The following CHN2 variants were observed in gnomAD, a reference collection of about 807,000 sequenced individuals.
The protein encoded by CHN2 is beta-chimaerin.
Under a neutral mutation model 56.3 loss-of-function variants are expected in CHN2, and 35 were observed. The observed-to-expected ratio is 0.62, with a 90% confidence interval of 0.47 to 0.82. The LOEUF (loss-of-function observed/expected upper bound fraction) is 0.82, where lower values mean the gene tolerates loss of function less well. Among genes scored for constraint, CHN2 ranks in the 40% least tolerant of loss-of-function variants. The pLI, the probability that CHN2 is intolerant of heterozygous loss-of-function variation, is 0.00. For synonymous variants in CHN2, 210 were observed against 212.8 expected (o/e 0.99, Z 0.12); for missense variants, 491 against 580.5 (o/e 0.85, Z 1.58).
rs1003208193 is a variant in CHN2, at chr7:29,335,170, G to A, written c.50-19455G>A. 3.9e-5 allele frequency among the ~76,000 whole-genome samples: 6 copies of A among 152,184 alleles called. No individual in the cohort carries two copies. The East Asian group carries it at 9.6e-4, about 24-fold the overall frequency. On this transcript the variant is annotated intron_variant, in intron 1 of 12. Transcript: ENST00000222792. Reference sequence around the variant, plus strand: ...ATCTATTTAGGGTAGTGGTGCTTACGGGAGTGGAACAATATGGAGTCACTC... The same window carrying A: ...ATCTATTTAGGGTAGTGGTGCTTACAGGAGTGGAACAATATGGAGTCACTC...
chr7:29,211,246 A>AT (rs573128905), intron 1 of CHN2, among the ~76,000 whole-genome samples: 20,731 of 139,868 alleles, frequency 0.15, 1,680 homozygotes, highest in Non-Finnish European at 0.2. Flanking sequence ...AATTTTTTGT[A>AT]TTTTTTTTTT....
chr7:29,412,358 A>G (rs1188938271), intron 6 of CHN2, among the ~76,000 whole-genome samples: 2 of 97,774 alleles, frequency 2.0e-5, no homozygotes, highest in African/African-American at 4.3e-5. Flanking sequence ...TGGGAGACGG[A>G]GTCTCCCTCT....
chr7:29,195,787 T>A (rs1034503448), intron 1 of CHN2, among the ~76,000 whole-genome samples: 10 of 152,124 alleles, frequency 6.6e-5, no homozygotes, highest in African/African-American at 2.4e-4. Flanking sequence ...CTATGGTTGA[T>A]CATCGGGTCT....
intron 1 of CHN2, among the ~76,000 whole-genome samples, chr7:29,286,304 T>C (rs1469016684): frequency 1.3e-5 from 2 of 151,818 alleles, no homozygotes; most frequent in Non-Finnish European, 2.9e-5. Context: ...TAAATGACTG[T>C]GGCAGGCCTC....
intron 1 of CHN2, among the ~76,000 whole-genome samples, chr7:29,342,441 G>A (rs899060109): frequency 1.4e-4 from 22 of 152,226 alleles, no homozygotes; most frequent in African/African-American, 5.1e-4. Flanking sequence ...ATATTTCTTG[G>A]CTTGCCAGTA....
intron 1 of CHN2, among the ~76,000 whole-genome samples, chr7:29,209,344 A>G (rs1784755930): frequency 6.6e-6 from 1 of 152,162 alleles, no homozygotes; most frequent in African/African-American, 2.4e-5. Context: ...ATAGTCAAAA[A>G]GCTTATTATA....
intron 2 of CHN2, among the ~76,000 whole-genome samples, chr7:29,358,587 C>G (rs981048133): frequency 1.3e-5 from 2 of 152,034 alleles, no homozygotes; most frequent in East Asian, 1.9e-4. Context: ...CTCAGCCTCC[C>G]GAGTAGCTGG....
chr7:29,155,843 A>G (rs962388215), intron 2 of CHN2, among the ~76,000 whole-genome samples: 25 of 152,036 alleles, frequency 1.6e-4, no homozygotes, highest in African/African-American at 6.0e-4. Context: ...AAAGGCGAGG[A>G]CATTTCTAAA....
At chr7:29,302,279 CTCT>C (rs1283385028) in intron 1 of CHN2, among the ~76,000 whole-genome samples, 1 of 150,108 alleles carries the variant, frequency 6.7e-6, no homozygotes, top group Admixed American at 6.6e-5. Context: ...CTTCTTCCTC[CTCT>C]TCTTCTTCCT....
chr7:29,350,965 G>A (rs962374787), intron 1 of CHN2, among the ~76,000 whole-genome samples: 6 of 151,996 alleles, frequency 3.9e-5, no homozygotes, highest in East Asian at 1.9e-4. Context: ...AAAGTTAGCC[G>A]GTTGCAGTGA....
At chr7:29,415,238 G>A (rs1314926433) in intron 6 of CHN2, among the ~76,000 whole-genome samples, 2 of 152,176 alleles carry the variant, frequency 1.3e-5, no homozygotes, top group African/African-American at 2.4e-5. Flanking sequence ...ACTTGCTAAG[G>A]CACAGAACAT....
intron 3 of CHN2, among the ~76,000 whole-genome samples, chr7:29,377,969 T>A (rs1452453766): frequency 1.3e-5 from 2 of 152,242 alleles, no homozygotes; most frequent in Non-Finnish European, 2.9e-5. Flanking sequence ...TGCGTCCTTC[T>A]AGGTAATTAC....
intron 4 of CHN2, among the ~76,000 whole-genome samples, chr7:29,394,004 G>A (rs1801549389): frequency 6.6e-6 from 1 of 152,144 alleles, no homozygotes; most frequent in African/African-American, 2.4e-5. Flanking sequence ...CATAATGGAG[G>A]CTCTCTGTTA....
At chr7:29,317,937 T>G (rs1795073547) in intron 1 of CHN2, among the ~76,000 whole-genome samples, 1 of 152,110 alleles carries the variant, frequency 6.6e-6, no homozygotes. Flanking sequence ...TAAGCCAAGA[T>G]AGTGCCACTG....
chr7:29,403,166 C>T (rs868265267), intron 6 of CHN2, among the ~76,000 whole-genome samples: 30 of 151,994 alleles, frequency 2.0e-4, no homozygotes, highest in Middle Eastern at 3.2e-3. Context: ...CGAATCCATC[C>T]GTTTCTCTCT....
At chr7:29,509,530 A>T in intron 12 of CHN2, 124 bp downstream of exon 12, 4 of 685,128 alleles carry the variant, frequency 5.8e-6, no homozygotes, top group Non-Finnish European at 7.6e-6. Context: ...GAACCACTCC[A>T]GGCACTTTCA....
chr7:29,241,793 C>A (rs1287019266), intron 1 of CHN2, among the ~76,000 whole-genome samples: 1 of 152,012 alleles, frequency 6.6e-6, no homozygotes, highest in East Asian at 1.9e-4. Flanking sequence ...GGGCTAGTGG[C>A]AAACTAGAGG....
intron 6 of CHN2, among the ~76,000 whole-genome samples, chr7:29,416,905 T>TG (rs984744748): frequency 3.3e-5 from 5 of 152,120 alleles, no homozygotes; most frequent in African/African-American, 1.2e-4. Context: ...CCTCCCATTG[T>TG]GGAGCTCCTT....
rs541792526 is a variant in CHN2 at position 29,442,934 on chromosome 7, C to CTTTTT, written c.577-37332_577-37328dup. 2.3e-4 allele frequency among the ~76,000 whole-genome samples: 24 copies of CTTTTT among 103,064 alleles called. 3 individuals are homozygous for CTTTTT. Among genetic ancestry groups the CTTTTT allele is most frequent in the South Asian group, 1.6e-3 (5 of 3,120 alleles). 67.6% of individuals were successfully genotyped at this position (103,064 alleles called of 152,430 possible). A position where few individuals can be genotyped will look rare whatever the true frequency, so the allele number is the denominator to read the frequency against. On this transcript the variant is annotated intron_variant, in intron 6 of 12. Coordinates refer to ENST00000222792, the MANE Select transcript of CHN2 (RefSeq NM_004067.4). ...CATCGCTTTCAATTTCATTGAATTT[C>CTTTTT]TTTTTTTTTTTTTTTTTGAGACGGA...
Sources: gnomAD v4.1 joint callset for allele counts (sites outside exome capture counted in the v4.1 genomes callset) on GRCh38, gnomAD v4.1.1 for gene constraint, MANE v1.5 for transcripts, NCBI Gene and HGNC (gene_info 2026-07-23, HGNC 2026-07-21) for gene names.